SBF1: variants seen among roughly 807,000 people sequenced by gnomAD.
The protein encoded by SBF1 is myotubularin-related protein 5.
Under a neutral mutation model 215.8 loss-of-function variants are expected in SBF1, and 65 were observed. The ratio of observed to expected loss-of-function variants is 0.30; its 90% confidence interval spans 0.25 to 0.37. The LOEUF (loss-of-function observed/expected upper bound fraction) is 0.37, where lower values mean the gene tolerates loss of function less well. Among genes scored for constraint, SBF1 ranks in the 10% least tolerant of loss-of-function variants. The pLI is 1.00. For missense variants in SBF1, 2,634 were observed against 2,667.8 expected, an observed-to-expected ratio of 0.99 and a Z score of 0.28; for synonymous variants, 1,410 against 1,122.8, an observed-to-expected ratio of 1.26 and a Z score of -5.11.
In SBF1 at chr22:50,447,244, G is replaced by C. The variant is rs1310464549; in HGVS notation, c.5584-4C>G. ...AAACGCGACGCGTTGTCTTCACCTG[G>C]GGAAGGGCGGGTTACTGACTCCGCA... On this transcript the variant is annotated splice_region_variant and splice_polypyrimidine_tract_variant and intron_variant, in intron 40 of 40. Transcript: ENST00000380817. 4 of 1,613,794 alleles carry C rather than the reference G, an allele frequency of 2.5e-6. No individual in the cohort carries two copies. The African/African-American group carries it at 5.3e-5, about 22-fold the overall frequency.
Position 50,465,270 on chromosome 22 carries a change from C to T in SBF1, c.1148G>A (p.Arg383His). ...GATGCGCACGACGTGCAGGCACCAG[C>T]GATAGCCCTGCAGCAGCTGAGCGAA... ...RLFAQLLQGY[R>H]WCLHVVRIHP... The change falls in exon 11 of 41, where the codon CGC (arginine) becomes CAC (histidine). Residue 383 changes from arginine (R) to histidine (H), a missense_variant. Arg to His is a conservative substitution (Grantham distance 29, BLOSUM62 0). Transcript: ENST00000380817. 3.7e-6 allele frequency: 6 copies of T among 1,610,780 alleles called. No individual in the cohort carries two copies. The highest frequency in any genetic ancestry group is 4.2e-6 in the Non-Finnish European group (5 of 1,179,012).
intron 31 of SBF1, 167 bp from the exon 32 acceptor site, chr22:50,455,749 G>A (rs1056314895): frequency 9.4e-6 from 6 of 635,966 alleles, no homozygotes; most frequent in Non-Finnish European, 1.4e-5. Context: ...AGCTCGCTCT[G>A]GGTGTGCCGA....
At chr22:50,460,433 G>C in intron 24 of SBF1, 25 bp from the exon 25 acceptor site, 1 of 1,603,398 alleles carries the variant, frequency 6.2e-7, no homozygotes, top group Non-Finnish European at 8.5e-7. Flanking sequence ...AGTCAGCAAA[G>C]GTGAGAGGAG....
Position 50,463,293 on chromosome 22 carries a change from C to G in SBF1, c.1889G>C (p.Cys630Ser). The G allele has an allele frequency of 6.2e-7, 1 of 1,613,604 alleles. No individual in the cohort carries two copies. Among genetic ancestry groups the G allele is most frequent in the Non-Finnish European group, 8.5e-7 (1 of 1,179,874 alleles). The change falls in exon 16 of 41, where the codon TGC (cysteine) becomes TCC (serine). Residue 630 changes from cysteine (C) to serine (S), a missense_variant. Physicochemically the swap from Cys to Ser is moderately radical, Grantham distance 112. Coordinates refer to ENST00000380817, the MANE Select transcript of SBF1 (RefSeq NM_002972.4). ...GATAAGAGGCCTCACCTGCAGGCAG[C>G]AGTTCATCATACGGACGACAAAGTC... ...QFDFVVRMMN[C>S]CLQDCTSLDE...
intron 5 of SBF1, 25 bp from the exon 6 acceptor site, chr22:50,466,735 T>C: frequency 6.8e-7 from 1 of 1,480,606 alleles, no homozygotes; most frequent in Non-Finnish European, 9.1e-7. Flanking sequence ...GGATCGGGGC[T>C]CAGTAGTTTG....
intron 10 of SBF1, 114 bp downstream of exon 10, chr22:50,465,648 CT>C: frequency 1.0e-6 from 1 of 967,610 alleles, no homozygotes; most frequent in Non-Finnish European, 1.5e-6. Context: ...CCTGCTTCTG[CT>C]ACTGGAGCCG....
intron 29 of SBF1, 26 bp downstream of exon 29, chr22:50,457,008 G>A (rs374843204): frequency 5.8e-5 from 81 of 1,407,982 alleles, no homozygotes; most frequent in Non-Finnish European, 7.0e-5. Context: ...AAGGGGAGGC[G>A]GGCCTGCGCA....
chr22:50,460,116 G>A lies in SBF1; in HGVS notation c.3327C>T (p.Ala1109=). The part of the protein sequence containing the change: ...LEPSTLTPSS[A]LKPSDRMTMS... ...TGGTCATGCGGTCGGAGGGCTTCAG[G>A]GCTGAGGACGGGGTCAGCGTGCTGG... The change falls in exon 26 of 41, where the codon GCC becomes GCT. Residue 1109 remains alanine (A), a synonymous_variant. Coordinates refer to ENST00000380817, the MANE Select transcript of SBF1 (RefSeq NM_002972.4). 1 of 1,613,178 alleles carries A rather than the reference G, an allele frequency of 6.2e-7. No homozygotes were observed. Among genetic ancestry groups the A allele is most frequent in the Non-Finnish European group, 8.5e-7 (1 of 1,179,980 alleles).
Position 50,459,462 on chromosome 22 carries a change from G to A in SBF1, c.3688+8C>T. On this transcript the variant is annotated splice_region_variant and intron_variant, in intron 27 of 40. Coordinates refer to ENST00000380817, the MANE Select transcript of SBF1 (RefSeq NM_002972.4). ...CAGGGCAGGCACAGGGCAGGACGCA[G>A]GAGGTACCTGGAGAAGGTGCGTTCT... 1.9e-6 allele frequency: 3 copies of A among 1,611,134 alleles called. No homozygotes were observed. Among genetic ancestry groups the A allele is most frequent in the Non-Finnish European group, 2.5e-6 (3 of 1,179,740 alleles).
In SBF1 at chr22:50,447,101, G is replaced by GT; in HGVS notation, c.*40dup. Reference sequence around the variant, plus strand: ...CGGCCCTGCCCACCCCTAGTGGTCGGTAACGACCGGAAGCAGAGCAGCCGG... The same window carrying GT: ...CGGCCCTGCCCACCCCTAGTGGTCGGTTAACGACCGGAAGCAGAGCAGCCGG... On this transcript the variant is annotated 3_prime_UTR_variant, in exon 41 of 41. Transcript: ENST00000380817. 1 of 1,562,172 alleles carries GT rather than the reference G, an allele frequency of 6.4e-7. No individual in the cohort carries two copies. The highest frequency in any genetic ancestry group is 2.2e-4 in the Middle Eastern group (1 of 4,614).
In SBF1 at chr22:50,464,482, C is replaced by T. The variant is rs368878826; in HGVS notation, c.1637-41G>A. On this transcript the variant is annotated intron_variant, in intron 14 of 40. Coordinates refer to ENST00000380817, the MANE Select transcript of SBF1 (RefSeq NM_002972.4). ...ACACACACTCGGACCCCTGACCCCACGCCCATCCTGGGCCACGCTCGGGGC... is the reference window on the plus strand; with the variant it reads ...ACACACACTCGGACCCCTGACCCCATGCCCATCCTGGGCCACGCTCGGGGC... 1.4e-4 allele frequency: 219 copies of T among 1,603,720 alleles called. No homozygotes were observed. The African/African-American group carries it at 2.0e-3, about 15-fold the overall frequency.
Position 50,468,454 on chromosome 22 carries a change from C to G in SBF1, c.63G>C (p.Gly21=), listed in dbSNP as rs1443116165. 2 of 1,604,368 alleles carry G rather than the reference C, an allele frequency of 1.2e-6. No homozygotes were observed. The highest frequency in any genetic ancestry group is 1.7e-5 in the Admixed American group (1 of 59,084). ...GCTGCAGAATCTGGCCCTGGCCTTC[C>G]CCACTCCCTGAGGACAAGAACAGGG... The part of the protein sequence containing the change: ...VAFGPHPRGS[G]EGQGQILQRF... The change falls in exon 2 of 41, where the codon GGG becomes GGC. Residue 21 remains glycine, a synonymous_variant. Coordinates refer to ENST00000380817, the MANE Select transcript of SBF1 (RefSeq NM_002972.4).
chr22:50,458,183 T>C (rs1420362431), intron 28 of SBF1, among the ~76,000 whole-genome samples: 1 of 151,700 alleles, frequency 6.6e-6, no homozygotes, highest in Non-Finnish European at 1.5e-5. Flanking sequence ...CGGGCACCTG[T>C]AGTCCCAGCT....
At position 50,459,642 on chromosome 22, in the gene SBF1, G is replaced by C; in HGVS notation, c.3516C>G (p.Pro1172=). 1 of 1,607,542 alleles carries C rather than the reference G, an allele frequency of 6.2e-7. No homozygotes were observed. The highest frequency in any genetic ancestry group is 8.5e-7 in the Non-Finnish European group (1 of 1,178,000). Reference sequence around the variant, plus strand: ...GCAGGGCGTTGTCCTGGACACTCTGGGGCACGATCAGCAGCCCTGGGTAGC... The same window carrying C: ...GCAGGGCGTTGTCCTGGACACTCTGCGGCACGATCAGCAGCCCTGGGTAGC... The part of the protein sequence containing the change: ...CRSYPGLLIV[P]QSVQDNALQR... Residue 1172 remains proline, a synonymous_variant, in exon 27 of 41, where the codon CCC becomes CCG. Transcript: ENST00000380817.
rs2067861923 is a variant in SBF1 at position 50,468,264 on chromosome 22, G to A, written c.141+112C>T. The stretch of plus-strand genomic sequence containing the variant: ...CAGAGGCTCTGCTGTCTTGTCCCTA[G>A]CCCAGCGGGGGGCCGGGCACTGTGG... On this transcript the variant is annotated intron_variant, in intron 2 of 40. Transcript: ENST00000380817. 4 of 1,044,510 alleles carry A rather than the reference G, an allele frequency of 3.8e-6. No individual in the cohort carries two copies. In the South Asian group the frequency reaches 5.7e-5, roughly 15 times the overall value. 64.7% of individuals were successfully genotyped at this position (1,044,510 alleles called of 1,614,324 possible).
At chr22:50,468,301 T>C (rs1282599154) in intron 2 of SBF1, 75 bp downstream of exon 2, 1 of 1,408,876 alleles carries the variant, frequency 7.1e-7, no homozygotes, top group East Asian at 2.4e-5. Context: ...GGCCCCTCAG[T>C]CAGGGACAAG....
rs377181379 is a variant in SBF1 at position 50,467,725 on chromosome 22, A to T, written c.280-35T>A. ...GTCAGGGGGAGACGGGGGCAGGGGG[A>T]GTTGGCCACGGCCCAAGGATGCAGC... On this transcript the variant is annotated intron_variant, in intron 3 of 40. Transcript: ENST00000380817. The T allele has an allele frequency of 1.3e-4, 212 of 1,606,776 alleles. No homozygotes were observed. In the African/African-American group the frequency reaches 2.6e-3, roughly 19 times the overall value.
chr22:50,471,574 G>T (rs984415575), intron 1 of SBF1, among the ~76,000 whole-genome samples: 1 of 152,108 alleles, frequency 6.6e-6, no homozygotes, highest in Non-Finnish European at 1.5e-5. Context: ...AAAGAAGGAA[G>T]GACAGCACCT....
intron 23 of SBF1, 59 bp from the exon 24 acceptor site, chr22:50,460,771 T>C: frequency 6.5e-7 from 1 of 1,539,152 alleles, no homozygotes; most frequent in Admixed American, 1.7e-5. Context: ...CTCCCCCAAC[T>C]CTGACACTGC....
Sources: gnomAD v4.1 joint callset for allele counts (sites outside exome capture counted in the v4.1 genomes callset) on GRCh38, gnomAD v4.1.1 for gene constraint, MANE v1.5 for transcripts, NCBI Gene and HGNC (gene_info 2026-07-23, HGNC 2026-07-21) for gene names.